The following PCDH15 variants were observed in gnomAD, a reference collection of about 807,000 sequenced individuals.
PCDH15 encodes the protein protocadherin related 15.
PCDH15 carries 129 observed loss-of-function variants against 178.5 expected under a neutral mutation model. The ratio of observed to expected loss-of-function variants is 0.72; its 90% confidence interval spans 0.63 to 0.84. The LOEUF (loss-of-function observed/expected upper bound fraction) is 0.84. PCDH15 is among the 40% of genes least tolerant of loss of function. The probability of loss-of-function intolerance (pLI) is 0.00; values close to 1 mark genes in which losing one functional copy is unlikely to be tolerated. For missense variants in PCDH15, 2,230 were observed against 2,099.9 expected, an observed-to-expected ratio of 1.06 and a Z score of -1.21; for synonymous variants, 800 against 732.0, an observed-to-expected ratio of 1.09 and a Z score of -1.50.
At chr10:53,896,779 G>A (rs561612837) in intron 26 of PCDH15, among the ~76,000 whole-genome samples, 5 of 152,048 alleles carry the variant, frequency 3.3e-5, no homozygotes, top group African/African-American at 4.8e-5. Flanking sequence ...CGTGACCTGC[G>A]CATGAAAGGG....
At chr10:53,990,550 T>C (rs976378255) in intron 21 of PCDH15, among the ~76,000 whole-genome samples, 1 of 148,908 alleles carries the variant, frequency 6.7e-6, no homozygotes, top group Non-Finnish European at 1.5e-5. Context: ...ATATATGTTA[T>C]ATATATAAAG....
At chr10:54,583,416 G>T (rs1930162) in intron 2 of PCDH15, among the ~76,000 whole-genome samples, 2,947 of 151,854 alleles carry the variant, frequency 0.019, 102 homozygotes, top group African/African-American at 0.067. Flanking sequence ...ACCTTTTCAT[G>T]GAGAGGACAA....
chr10:55,085,613 T>C (rs1318121553), intron 2 of PCDH15, among the ~76,000 whole-genome samples: 1 of 151,850 alleles, frequency 6.6e-6, no homozygotes, highest in Non-Finnish European at 1.5e-5. Flanking sequence ...CATAAATATA[T>C]ACATCTACTA....
chr10:54,908,045 C>A (rs1379613537), intron 2 of PCDH15, among the ~76,000 whole-genome samples: 1 of 152,158 alleles, frequency 6.6e-6, no homozygotes, highest in Non-Finnish European at 1.5e-5. Context: ...GTTATGGGAT[C>A]CTCAGGGTGT....
chr10:55,238,701 T>C (rs1841460807), intron 1 of PCDH15, among the ~76,000 whole-genome samples: 1 of 152,020 alleles, frequency 6.6e-6, no homozygotes, highest in Admixed American at 6.5e-5. Context: ...CTTGAATCAC[T>C]TTTTTCTCTT....
At chr10:55,596,817 T>G (rs1842944081) in intron 2 of PCDH15, among the ~76,000 whole-genome samples, 1 of 152,158 alleles carries the variant, frequency 6.6e-6, no homozygotes, top group African/African-American at 2.4e-5. Flanking sequence ...CTATTTGGAA[T>G]ATGATAAAAA....
At chr10:54,333,650 C>T (rs998404203) in intron 6 of PCDH15, among the ~76,000 whole-genome samples, 1 of 148,280 alleles carries the variant, frequency 6.7e-6, no homozygotes, top group African/African-American at 2.5e-5. Context: ...AAAAACAAAA[C>T]AATACTTAGA....
chr10:54,916,899 T>A lies in PCDH15; in HGVS notation c.-79-19399A>T, dbSNP rs188734360. Among the ~76,000 whole-genome samples the A allele has an allele frequency of 4.6e-5, 7 of 152,250 alleles. No individual in the cohort carries two copies. In the East Asian group the frequency reaches 1.4e-3, roughly 29 times the overall value. On this transcript the variant is annotated intron_variant, in intron 2 of 5. Transcript: ENST00000458638. ...CAAGTGATGAGAATGGTAGATGGCT[T>A]GCATCTTGGTATGTAGTGCTTACTG... is the stretch of plus-strand genomic sequence containing the variant.
chr10:54,877,128 G>A (rs916226001), intron 3 of PCDH15, among the ~76,000 whole-genome samples: 3 of 152,066 alleles, frequency 2.0e-5, no homozygotes, highest in South Asian at 2.1e-4. Context: ...TGAAGTCTCA[G>A]ATGATCATTA....
intron 9 of PCDH15, among the ~76,000 whole-genome samples, chr10:54,233,593 T>A (rs2054300971): frequency 6.6e-6 from 1 of 152,222 alleles, no homozygotes; most frequent in South Asian, 2.1e-4. Flanking sequence ...GAGAAGAATG[T>A]GTATTCTGCT....
rs1554806882 is a variant in PCDH15 at position 54,853,440 on chromosome 10, C to CATATATATACACATACACAT, written c.-29+44009_-29+44010insATGTGTATGTGTATATATAT. ...ACATACATATATATATACACATACACATATATATATATACACATACATATA... is the reference window on the plus strand; with the variant it reads ...ACATACATATATATATACACATACACATATATATACACATACACATATATATATATATACACATACATATA... On this transcript the variant is annotated intron_variant, in intron 3 of 5. Coordinates refer to the PCDH15 transcript ENST00000458638. 3.1e-4 allele frequency among the ~76,000 whole-genome samples: 27 copies of CATATATATACACATACACAT among 86,054 alleles called. No individual in the cohort carries two copies. The Middle Eastern group carries it at 0.021, about 67-fold the overall frequency. The allele number at this position is 86,054 out of a possible 152,430, so 56.5% of individuals were successfully genotyped here.
intron 1 of PCDH15, among the ~76,000 whole-genome samples, chr10:54,694,833 T>C (rs2095192757): frequency 6.6e-6 from 1 of 152,088 alleles, no homozygotes; most frequent in South Asian, 2.1e-4. Context: ...AGTGTTCAAA[T>C]GAAAGGAGGA....
At chr10:55,142,645 G>T in intron 2 of PCDH15, among the ~76,000 whole-genome samples, 1 of 115,422 alleles carries the variant, frequency 8.7e-6, no homozygotes, top group African/African-American at 3.0e-5. Context: ...CTCCTATGTA[G>T]ATATATCTCT....
chr10:53,982,205 CTT>C (rs2090708223), intron 21 of PCDH15, among the ~76,000 whole-genome samples: 1 of 152,162 alleles, frequency 6.6e-6, no homozygotes, highest in African/African-American at 2.4e-5. Context: ...AATAGGAACA[CTT>C]TTACACTGTT....
At chr10:55,387,759 G>A (rs1279280895) in intron 2 of PCDH15, among the ~76,000 whole-genome samples, 2 of 151,908 alleles carry the variant, frequency 1.3e-5, no homozygotes, top group Non-Finnish European at 2.9e-5. Flanking sequence ...TTTACAAAAC[G>A]GTTAGCAGTC....
At chr10:54,121,062 G>GA (rs59572644) in intron 15 of PCDH15, among the ~76,000 whole-genome samples, 51 of 122,732 alleles carry the variant, frequency 4.2e-4, no homozygotes, top group Non-Finnish European at 6.3e-4. Context: ...CTCAGCAAAT[G>GA]AAAAAAAAAA....
At chr10:55,005,841 A>T (rs558468091) in intron 2 of PCDH15, among the ~76,000 whole-genome samples, 5 of 152,234 alleles carry the variant, frequency 3.3e-5, no homozygotes, top group Admixed American at 6.5e-5. Context: ...GTTACCCTGA[A>T]GCAAAAACAA....
intron 14 of PCDH15, among the ~76,000 whole-genome samples, chr10:54,142,203 C>T (rs1381206223): frequency 6.6e-6 from 1 of 152,054 alleles, no homozygotes; most frequent in Non-Finnish European, 1.5e-5. Context: ...AGCTCCAAGC[C>T]ACTGTGTTTT....
At chr10:55,596,758 G>A (rs1277396498) in intron 2 of PCDH15, among the ~76,000 whole-genome samples, 1 of 152,054 alleles carries the variant, frequency 6.6e-6, no homozygotes, top group African/African-American at 2.4e-5. Context: ...ATTATGCCAT[G>A]TTATATCTGA....
Sources: gnomAD v4.1 joint callset for allele counts (sites outside exome capture counted in the v4.1 genomes callset) on GRCh38, gnomAD v4.1.1 for gene constraint, MANE v1.5 for transcripts, NCBI Gene and HGNC (gene_info 2026-07-23, HGNC 2026-07-21) for gene names.